The following DTD1 variants were observed in gnomAD, a reference collection of about 807,000 sequenced individuals.
DTD1 encodes D-tyrosyl-tRNA deacylase 1 homolog.
DTD1 carries 13 observed loss-of-function variants against 25.6 expected under a neutral mutation model. That is an observed-to-expected ratio of 0.51 (90% CI 0.33 to 0.81). The LOEUF (loss-of-function observed/expected upper bound fraction) is 0.81, where lower values mean the gene tolerates loss of function less well. Ranked by LOEUF, DTD1 falls within the 30% of genes least tolerant of loss-of-function variation. DTD1 has a pLI of 0.02. For missense variants in DTD1, 193 were observed against 266.4 expected (o/e 0.72, Z 1.92); for synonymous variants, 110 against 103.6 (o/e 1.06, Z -0.37).
intron 3 of DTD1, among the ~76,000 whole-genome samples, chr20:18,618,935 A>G (rs1174359497): frequency 1.3e-5 from 2 of 151,728 alleles, no homozygotes; most frequent in African/African-American, 2.4e-5. Context: ...CTCATCTCGA[A>G]CTCTTGATCT....
At chr20:18,666,467 A>T (rs746514558) in intron 4 of DTD1, among the ~76,000 whole-genome samples, 11 of 152,226 alleles carry the variant, frequency 7.2e-5, no homozygotes, top group Non-Finnish European at 1.0e-4. Context: ...TGCATTATTT[A>T]TAGTGGCAGG....
intron 4 of DTD1, among the ~76,000 whole-genome samples, chr20:18,693,852 T>A (rs929034180): frequency 6.6e-6 from 1 of 151,966 alleles, no homozygotes; most frequent in African/African-American, 2.4e-5. Context: ...GAGCAGGACG[T>A]TAGAAATTAG....
chr20:18,607,312 C>T (rs1041343864), intron 3 of DTD1, among the ~76,000 whole-genome samples: 3 of 152,014 alleles, frequency 2.0e-5, no homozygotes, highest in African/African-American at 7.2e-5. Flanking sequence ...AGGTGTGTGC[C>T]ACCACACCTG....
chr20:18,749,753 C>G lies in DTD1; in HGVS notation c.*19+5482C>G, dbSNP rs1044207329. Among the ~76,000 whole-genome samples the G allele has an allele frequency of 1.3e-5, 2 of 152,194 alleles. No homozygotes were observed. Among genetic ancestry groups the G allele is most frequent in the Non-Finnish European group, 2.9e-5 (2 of 68,028 alleles). ...CAGGTGCTGAGCTGCACCAACCACCCTGCCACAGAGGACACTGAGGACCCA... is the reference window on the plus strand; with the variant it reads ...CAGGTGCTGAGCTGCACCAACCACCGTGCCACAGAGGACACTGAGGACCCA... On this transcript the variant is annotated intron_variant, in intron 5 of 5. Transcript: ENST00000377452. The surrounding 1 kb of genome is among the most constrained non-coding windows in gnomAD (Gnocchi z 4.2).
chr20:18,666,896 T>G, intron 4 of DTD1, among the ~76,000 whole-genome samples: 1 of 152,188 alleles, frequency 6.6e-6, no homozygotes, highest in East Asian at 1.9e-4. Flanking sequence ...AACCCAGAGT[T>G]GAAGAAAACA....
intron 4 of DTD1, among the ~76,000 whole-genome samples, chr20:18,686,159 G>A (rs1330861023): frequency 6.6e-6 from 1 of 152,206 alleles, no homozygotes; most frequent in Non-Finnish European, 1.5e-5. Context: ...TTTCTCCTAC[G>A]TTGAGATATA....
At chr20:18,619,474 G>A (rs986548471) in intron 3 of DTD1, among the ~76,000 whole-genome samples, 2 of 151,954 alleles carry the variant, frequency 1.3e-5, no homozygotes, top group African/African-American at 4.8e-5. Flanking sequence ...GTCCAGGCTG[G>A]AATGCAGTGG....
intron 3 of DTD1, among the ~76,000 whole-genome samples, chr20:18,607,008 G>A (rs138714644): frequency 6.6e-6 from 1 of 151,946 alleles, no homozygotes; most frequent in Non-Finnish European, 1.5e-5. Flanking sequence ...CTTTTTCTGT[G>A]TTTATGGATG....
intron 4 of DTD1, among the ~76,000 whole-genome samples, chr20:18,675,822 A>ATG (rs11471820): frequency 0.021 from 45 of 2,126 alleles, 1 homozygote; most frequent in East Asian, 0.14. Flanking sequence ...ACACACATAT[A>ATG]TGTAAATATA....
At chr20:18,630,832 T>C (rs1351728536) in intron 4 of DTD1, 1 of 153,330 alleles carries the variant, frequency 6.5e-6, no homozygotes, top group Non-Finnish European at 1.4e-5. Context: ...TCTACTGTTT[T>C]GTAGAATGTT....
At chr20:18,730,061 T>C (rs917503595) in intron 4 of DTD1, among the ~76,000 whole-genome samples, 1 of 152,162 alleles carries the variant, frequency 6.6e-6, no homozygotes, top group Non-Finnish European at 1.5e-5. Flanking sequence ...CTGACTCTTG[T>C]ACTCTTCCCC....
At chr20:18,717,110 T>C (rs933289740) in intron 4 of DTD1, among the ~76,000 whole-genome samples, 2 of 152,208 alleles carry the variant, frequency 1.3e-5, no homozygotes, top group East Asian at 1.9e-4. Context: ...GTTCAAGTTA[T>C]TGCATTAAAC....
chr20:18,659,352 CT>C (rs569660688), intron 4 of DTD1, among the ~76,000 whole-genome samples: 51 of 152,292 alleles, frequency 3.3e-4, no homozygotes, highest in Middle Eastern at 3.4e-3. Flanking sequence ...CTCTCCCATT[CT>C]CCTCGATTTG....
intron 4 of DTD1, chr20:18,632,446 C>T (rs1600332780): frequency 2.0e-6 from 2 of 985,484 alleles, no homozygotes; most frequent in Non-Finnish European, 2.4e-6. Flanking sequence ...TGGCCTGTGC[C>T]TGGGGCCTCT....
intron 4 of DTD1, among the ~76,000 whole-genome samples, chr20:18,686,121 T>G (rs1339188708): frequency 6.6e-6 from 1 of 152,244 alleles, no homozygotes; most frequent in Non-Finnish European, 1.5e-5. Context: ...GAGACACACA[T>G]TTACAGAAAT....
At chr20:18,632,562 T>C in intron 4 of DTD1, 1 of 985,446 alleles carries the variant, frequency 1.0e-6, no homozygotes, top group Non-Finnish European at 1.2e-6. Flanking sequence ...TTTTTACTGA[T>C]AGATAAACAC....
At chr20:18,711,598 A>G (rs1832408781) in intron 4 of DTD1, among the ~76,000 whole-genome samples, 1 of 152,092 alleles carries the variant, frequency 6.6e-6, no homozygotes, top group South Asian at 2.1e-4. Flanking sequence ...CAGAAGTGTC[A>G]GGACAGTGTT....
chr20:18,759,701 C>A (rs1337847411), intron 5 of DTD1, among the ~76,000 whole-genome samples: 15 of 152,288 alleles, frequency 9.8e-5, no homozygotes, highest in South Asian at 2.1e-4. Context: ...GTGAATCTGA[C>A]AATTATGCGT....
chr20:18,750,752 A>G (rs961162565), intron 5 of DTD1, among the ~76,000 whole-genome samples: 9 of 152,122 alleles, frequency 5.9e-5, no homozygotes, highest in Admixed American at 5.2e-4. Context: ...ATGCAGCTCT[A>G]TTATTTCTCC....
Sources: gnomAD v4.1 joint callset for allele counts (sites outside exome capture counted in the v4.1 genomes callset) on GRCh38, gnomAD v4.1.1 for gene constraint, Gnocchi (gnomAD v3.1) non-coding constraint, MANE v1.5 for transcripts, NCBI Gene and HGNC (gene_info 2026-07-23, HGNC 2026-07-21) for gene names.